Variants in SCAPER observed in about 807,000 individuals in gnomAD.
SCAPER encodes S phase cyclin A-associated protein in the endoplasmic reticulum.
In SCAPER, 98 loss-of-function variants were observed where a neutral mutation model predicts 182.2. The ratio of observed to expected loss-of-function variants is 0.54; its 90% confidence interval spans 0.46 to 0.64. The LOEUF (loss-of-function observed/expected upper bound fraction) is 0.64, where lower values mean the gene tolerates loss of function less well. Ranked by LOEUF, SCAPER falls within the 30% of genes least tolerant of loss-of-function variation. The pLI is 0.00. For synonymous variants in SCAPER, 605 were observed against 564.6 expected (o/e 1.07, Z -1.01); for missense variants, 1,432 against 1,690.0 (o/e 0.85, Z 2.68).
Position 76,354,471 on chromosome 15 carries a change from C to T in SCAPER, c.3856-331G>A, listed in dbSNP as rs1419477774. 1.2e-5 allele frequency: 3 copies of T among 241,472 alleles called. No homozygotes were observed. The highest frequency in any genetic ancestry group is 2.4e-5 in the Non-Finnish European group (3 of 126,656). The allele number at this position is 241,472 out of a possible 1,614,324, so 15.0% of individuals were successfully genotyped here. A position where few individuals can be genotyped will look rare whatever the true frequency, so the allele number is the denominator to read the frequency against. On this transcript the variant is annotated intron_variant, in intron 29 of 31. Coordinates refer to ENST00000563290, the MANE Select transcript of SCAPER (RefSeq NM_020843.4). The surrounding 1 kb of genome is among the most constrained non-coding windows in gnomAD (Gnocchi z 4.4). ...TGCTTTAACAAAGTGCTCCCCACACCCCCTTAAAGCAGAGTAGTCATATTC... is the reference window on the plus strand; with the variant it reads ...TGCTTTAACAAAGTGCTCCCCACACTCCCTTAAAGCAGAGTAGTCATATTC...
chr15:76,511,714 C>G (rs1392792060), intron 23 of SCAPER, among the ~76,000 whole-genome samples: 1 of 151,990 alleles, frequency 6.6e-6, no homozygotes, highest in Non-Finnish European at 1.5e-5. Flanking sequence ...TTGCTGATGT[C>G]AGAGACCATG....
intron 22 of SCAPER, 111 bp from the exon 23 acceptor site, chr15:76,574,395 T>C: frequency 7.9e-7 from 1 of 1,264,034 alleles, no homozygotes; most frequent in Non-Finnish European, 1.1e-6. Context: ...TTGAAAATGC[T>C]TCACAGAGCA....
chr15:76,582,405 T>A (rs2048333214), intron 22 of SCAPER, among the ~76,000 whole-genome samples: 1 of 151,992 alleles, frequency 6.6e-6, no homozygotes, highest in Non-Finnish European at 1.5e-5. Flanking sequence ...AAATAAATGA[T>A]CTCTACAATG....
intron 21 of SCAPER, among the ~76,000 whole-genome samples, chr15:76,641,421 T>A (rs557318268): frequency 6.6e-6 from 1 of 152,144 alleles, no homozygotes; most frequent in African/African-American, 2.4e-5. Flanking sequence ...TAATAATAAA[T>A]GCTGGTATAT....
intron 24 of SCAPER, among the ~76,000 whole-genome samples, chr15:76,496,742 T>C (rs1701775374): frequency 6.6e-6 from 1 of 152,200 alleles, no homozygotes; most frequent in South Asian, 2.1e-4. Flanking sequence ...TCTCTCTTTA[T>C]TCCTACTTTA....
At chr15:76,512,540 C>A (rs568669475) in intron 23 of SCAPER, among the ~76,000 whole-genome samples, 1 of 151,938 alleles carries the variant, frequency 6.6e-6, no homozygotes, top group African/African-American at 2.4e-5. Flanking sequence ...AGCAGCACCA[C>A]TGCTATTCCT....
intron 23 of SCAPER, among the ~76,000 whole-genome samples, chr15:76,535,169 C>A (rs2044023089): frequency 6.6e-6 from 1 of 152,068 alleles, no homozygotes; most frequent in Non-Finnish European, 1.5e-5. Flanking sequence ...GATAATTTTT[C>A]ATGCCCATGA....
intron 25 of SCAPER, among the ~76,000 whole-genome samples, chr15:76,453,745 A>AT (rs1202728502): frequency 1.3e-5 from 2 of 152,250 alleles, no homozygotes; most frequent in East Asian, 1.9e-4. Context: ...AATTAGGCAA[A>AT]TATCCTGTTT....
chr15:76,523,882 CT>C (rs141334286), intron 23 of SCAPER, among the ~76,000 whole-genome samples: 4,613 of 152,130 alleles, frequency 0.03, 216 homozygotes, highest in African/African-American at 0.1. Context: ...TTGTGTGTAA[CT>C]TTGGTGACTT....
intron 22 of SCAPER, among the ~76,000 whole-genome samples, chr15:76,607,017 T>C (rs990552003): frequency 1.3e-5 from 2 of 152,242 alleles, no homozygotes; most frequent in Admixed American, 6.5e-5. Flanking sequence ...CCCATTTACA[T>C]CTAAAGTTAA....
chr15:76,441,891 T>C (rs117035148), intron 25 of SCAPER, among the ~76,000 whole-genome samples: 4,702 of 152,278 alleles, frequency 0.031, 119 homozygotes, highest in Non-Finnish European at 0.047. Flanking sequence ...TCCCAGTGCC[T>C]ACACAACATC....
chr15:76,718,524 C>T (rs541347898), intron 17 of SCAPER, among the ~76,000 whole-genome samples: 3 of 151,874 alleles, frequency 2.0e-5, no homozygotes, highest in Non-Finnish European at 4.4e-5. Context: ...ACCTATAATC[C>T]CAGCTACTCG....
chr15:76,773,330 T>C (rs1161579884), intron 9 of SCAPER, among the ~76,000 whole-genome samples: 2 of 151,940 alleles, frequency 1.3e-5, no homozygotes, highest in African/African-American at 4.8e-5. Context: ...AGTTTACTTG[T>C]CAAAAAGTTC....
At chr15:76,705,426 A>C (rs1207947009) in intron 18 of SCAPER, among the ~76,000 whole-genome samples, 2 of 151,616 alleles carry the variant, frequency 1.3e-5, no homozygotes, top group Non-Finnish European at 2.9e-5. Flanking sequence ...GAGGGATATC[A>C]TTAGGAGATA....
intron 6 of SCAPER, among the ~76,000 whole-genome samples, chr15:76,800,893 T>A (rs1016481355): frequency 6.6e-6 from 1 of 152,154 alleles, no homozygotes; most frequent in African/African-American, 2.4e-5. Flanking sequence ...CTAAGAAACA[T>A]AACTTAACGT....
chr15:76,878,380 A>T (rs1382639027), intron 2 of SCAPER, among the ~76,000 whole-genome samples: 1 of 151,634 alleles, frequency 6.6e-6, no homozygotes, highest in African/African-American at 2.4e-5. Flanking sequence ...TAATGAAATT[A>T]AAAATTACCA....
intron 5 of SCAPER, among the ~76,000 whole-genome samples, chr15:76,815,304 C>T (rs1210302041): frequency 6.6e-6 from 1 of 152,162 alleles, no homozygotes; most frequent in African/African-American, 2.4e-5. Context: ...GAGACATCTG[C>T]ACTCCTATGT....
intron 2 of SCAPER, among the ~76,000 whole-genome samples, chr15:76,862,910 T>C (rs1374185288): frequency 6.6e-6 from 1 of 152,182 alleles, no homozygotes; most frequent in African/African-American, 2.4e-5. Flanking sequence ...CTCTTCAGCA[T>C]AAAATATTTT....
chr15:76,527,608 C>G (rs1168957571), intron 23 of SCAPER, among the ~76,000 whole-genome samples: 1 of 152,170 alleles, frequency 6.6e-6, no homozygotes, highest in Admixed American at 6.6e-5. Context: ...AGAAAAGACC[C>G]AAGCTCTGAC....
Sources: gnomAD v4.1 joint callset for allele counts (sites outside exome capture counted in the v4.1 genomes callset) on GRCh38, gnomAD v4.1.1 for gene constraint, Gnocchi (gnomAD v3.1) non-coding constraint, MANE v1.5 for transcripts, NCBI Gene and HGNC (gene_info 2026-07-23, HGNC 2026-07-21) for gene names.